LRRTM4: variants seen among roughly 807,000 people sequenced by gnomAD.
LRRTM4 encodes leucine rich repeat transmembrane neuronal 4.
LRRTM4 carries 25 observed loss-of-function variants against 47.6 expected under a neutral mutation model. The observed-to-expected ratio is 0.53, with a 90% confidence interval of 0.38 to 0.73. LRRTM4 has a LOEUF of 0.73. Ranked by LOEUF, LRRTM4 falls within the 30% of genes least tolerant of loss-of-function variation. The pLI, the probability that LRRTM4 is intolerant of heterozygous loss-of-function variation, is 0.00. For synonymous variants in LRRTM4, 311 were observed against 269.5 expected, an observed-to-expected ratio of 1.15 and a Z score of -1.51; for missense variants, 638 against 713.4, an observed-to-expected ratio of 0.89 and a Z score of 1.20.
chr2:77,053,042 T>C (rs952843988), intron 3 of LRRTM4, among the ~76,000 whole-genome samples: 2 of 150,956 alleles, frequency 1.3e-5, no homozygotes, highest in South Asian at 2.1e-4. Flanking sequence ...TCGGGTAAAA[T>C]GGAAAGCAGC....
At chr2:76,923,537 A>C (rs115028165) in intron 3 of LRRTM4, among the ~76,000 whole-genome samples, 1,659 of 152,228 alleles carry the variant, frequency 0.011, 36 homozygotes, top group African/African-American at 0.038. Flanking sequence ...TAAAAAATAG[A>C]ATAATTATTG....
At chr2:77,314,757 G>A (rs12328137) in intron 3 of LRRTM4, among the ~76,000 whole-genome samples, 30,969 of 152,116 alleles carry the variant, frequency 0.2, 3,489 homozygotes, top group East Asian at 0.42. Flanking sequence ...TCTACTTTAT[G>A]ATAGTGTGAA....
chr2:77,089,354 A>G lies in LRRTM4; in HGVS notation c.1552-340438T>C, dbSNP rs578187692. 4.4e-4 allele frequency among the ~76,000 whole-genome samples: 66 copies of G among 150,912 alleles called. 1 individual carries two copies. The South Asian group carries it at 0.013, about 29-fold the overall frequency. ...GAGGAGGGACAAGTACCCCAACCTC[A>G]TATCTCTGCACCCCAATCCCTTATT... On this transcript the variant is annotated intron_variant, in intron 3 of 3. Transcript: ENST00000409884.
intron 3 of LRRTM4, among the ~76,000 whole-genome samples, chr2:77,137,596 A>C (rs1336527035): frequency 6.6e-6 from 1 of 152,164 alleles, no homozygotes; most frequent in African/African-American, 2.4e-5. Context: ...CTAACATCAT[A>C]ATGACAGGAT....
intron 3 of LRRTM4, among the ~76,000 whole-genome samples, chr2:77,480,821 TGGAGAGAGAGA>T (rs1677659084): frequency 1.1e-5 from 1 of 88,340 alleles, no homozygotes; most frequent in South Asian, 4.8e-4. Context: ...TGTGTGTGTG[TGGAGAGAGAGA>T]GAGAGAGAGA....
intron 3 of LRRTM4, among the ~76,000 whole-genome samples, chr2:77,466,910 G>T (rs935850158): frequency 7.2e-5 from 11 of 151,978 alleles, no homozygotes; most frequent in Middle Eastern, 3.4e-3. Flanking sequence ...TGTTGGCCAG[G>T]CTGGTCTCGA....
At chr2:77,304,227 T>C (rs945009943) in intron 3 of LRRTM4, among the ~76,000 whole-genome samples, 1 of 152,188 alleles carries the variant, frequency 6.6e-6, no homozygotes, top group African/African-American at 2.4e-5. Flanking sequence ...TTCATATACA[T>C]GTTGGCCATT....
At chr2:76,804,862 AT>A (rs1393516913) in intron 3 of LRRTM4, among the ~76,000 whole-genome samples, 1 of 150,704 alleles carries the variant, frequency 6.6e-6, no homozygotes, top group Non-Finnish European at 1.5e-5. Flanking sequence ...TTGTTAATAG[AT>A]TTTTTTAAAG....
At chr2:77,321,060 A>C (rs1436310016) in intron 3 of LRRTM4, among the ~76,000 whole-genome samples, 1 of 152,144 alleles carries the variant, frequency 6.6e-6, no homozygotes, top group Non-Finnish European at 1.5e-5. Context: ...ATTTCTGGTT[A>C]GTTTTATTTT....
chr2:76,936,096 C>A (rs1674936383), intron 3 of LRRTM4, among the ~76,000 whole-genome samples: 1 of 152,008 alleles, frequency 6.6e-6, no homozygotes, highest in Non-Finnish European at 1.5e-5. Context: ...GGGTATATAC[C>A]CAAAGGATTA....
intron 3 of LRRTM4, among the ~76,000 whole-genome samples, chr2:77,187,440 C>T (rs1176721378): frequency 7.5e-6 from 1 of 132,566 alleles, no homozygotes; most frequent in African/African-American, 2.9e-5. Flanking sequence ...CACATGGACA[C>T]AGGAAGGGGA....
chr2:77,502,907 G>T (rs1432262476), intron 3 of LRRTM4, among the ~76,000 whole-genome samples: 1 of 151,502 alleles, frequency 6.6e-6, no homozygotes, highest in Non-Finnish European at 1.5e-5. Context: ...TCAACACATT[G>T]TCCAAGGAGA....
chr2:76,790,774 G>T lies in LRRTM4; in HGVS notation c.1552-41858C>A, dbSNP rs1558654986. Among the ~76,000 whole-genome samples the T allele has an allele frequency of 5.3e-5, 8 of 151,298 alleles. No homozygotes were observed. In the South Asian group the frequency reaches 1.5e-3, roughly 28 times the overall value. ...TCCAGTTGATGTAAATCTACTCTTT[G>T]ATCAAATTTGATATAATTTCACTGT... On this transcript the variant is annotated intron_variant, in intron 3 of 3. Transcript: ENST00000409884.
At chr2:77,335,223 G>A (rs969806579) in intron 3 of LRRTM4, among the ~76,000 whole-genome samples, 1 of 152,134 alleles carries the variant, frequency 6.6e-6, no homozygotes, top group Non-Finnish European at 1.5e-5. Flanking sequence ...TTTTATGAAA[G>A]CCTCCAAATC....
chr2:77,074,088 TTTATG>T (rs1680254378), intron 3 of LRRTM4, among the ~76,000 whole-genome samples: 1 of 152,148 alleles, frequency 6.6e-6, no homozygotes, highest in South Asian at 2.1e-4. Flanking sequence ...ATAGTGATAT[TTTATG>T]TTTTGTTTTC....
At chr2:77,282,252 T>C (rs1013516647) in intron 3 of LRRTM4, among the ~76,000 whole-genome samples, 4 of 151,904 alleles carry the variant, frequency 2.6e-5, no homozygotes, top group African/African-American at 9.7e-5. Context: ...ATTTTATTGG[T>C]GTATAAAAAT....
intron 3 of LRRTM4, among the ~76,000 whole-genome samples, chr2:77,450,784 C>A (rs1290806339): frequency 1.3e-5 from 2 of 152,058 alleles, no homozygotes; most frequent in African/African-American, 4.8e-5. Context: ...TTATAATATT[C>A]TAAATTTTAT....
chr2:76,801,923 T>C (rs1675712586), intron 3 of LRRTM4, among the ~76,000 whole-genome samples: 1 of 152,064 alleles, frequency 6.6e-6, no homozygotes, highest in Non-Finnish European at 1.5e-5. Flanking sequence ...ATTCAACATC[T>C]TTTCATGGTA....
intron 3 of LRRTM4, among the ~76,000 whole-genome samples, chr2:77,353,253 G>A (rs1671850716): frequency 6.6e-6 from 1 of 152,098 alleles, no homozygotes; most frequent in South Asian, 2.1e-4. Flanking sequence ...TTTCCCTTTT[G>A]ATTTGCACAA....
Sources: allele counts gnomAD v4.1 joint callset (sites outside exome capture counted in the v4.1 genomes callset), GRCh38; gene constraint gnomAD v4.1.1; transcripts MANE v1.5; gene names NCBI Gene and HGNC (gene_info 2026-07-23, HGNC 2026-07-21).